TSPAN3: variants seen among roughly 807,000 people sequenced by gnomAD.
TSPAN3 encodes the protein tetraspanin-3.
A neutral mutation model predicts 31.1 loss-of-function variants in TSPAN3; 9 were observed. The ratio of observed to expected loss-of-function variants is 0.29; its 90% CI spans 0.17 to 0.50. The LOEUF (loss-of-function observed/expected upper bound fraction) is 0.50. TSPAN3 is among the 20% of genes least tolerant of loss of function. The probability of loss-of-function intolerance (pLI) is 0.98; values close to 1 mark genes in which losing one functional copy is unlikely to be tolerated. For missense variants in TSPAN3, 252 were observed against 313.5 expected (o/e 0.80, Z 1.48); for synonymous variants, 129 against 114.3 (o/e 1.13, Z -0.82).
At chr15:77,052,989 T>A in intron 4 of TSPAN3, 60 bp from the exon 5 acceptor site, 1 of 1,504,312 alleles carries the variant, frequency 6.6e-7, no homozygotes, top group Non-Finnish European at 9.1e-7. Context: ...AAGTTCCATG[T>A]ACTACAGAGC....
intron 6 of TSPAN3, among the ~76,000 whole-genome samples, chr15:77,049,144 T>G (rs79862004): frequency 7.4e-4 from 112 of 152,324 alleles, no homozygotes; most frequent in African/African-American, 2.7e-3. Flanking sequence ...TACAAAAGGT[T>G]GCAAACTATA....
chr15:77,063,171 C>T (rs934123418), intron 1 of TSPAN3, among the ~76,000 whole-genome samples: 4 of 152,190 alleles, frequency 2.6e-5, no homozygotes, highest in African/African-American at 9.7e-5. Flanking sequence ...CAATCTCTCC[C>T]ACTTACCACT....
intron 1 of TSPAN3, among the ~76,000 whole-genome samples, chr15:77,070,594 A>C (rs1311635744): frequency 1.3e-5 from 2 of 151,278 alleles, no homozygotes; most frequent in Non-Finnish European, 3.0e-5. Context: ...GGGGGGGGAG[A>C]CTGGGGCGCC....
intron 1 of TSPAN3, among the ~76,000 whole-genome samples, chr15:77,070,584 G>A (rs112279626): frequency 6.6e-6 from 1 of 150,820 alleles, no homozygotes; most frequent in African/African-American, 2.4e-5. Flanking sequence ...GGCGACTCCG[G>A]GGGGGGGAGA....
chr15:77,052,635 T>C (rs2076739568), intron 5 of TSPAN3, 142 bp downstream of exon 5: 2 of 1,095,838 alleles, frequency 1.8e-6, no homozygotes, highest in South Asian at 1.6e-5. Context: ...AACAAAGACA[T>C]GCATTTTATA....
intron 3 of TSPAN3, chr15:77,054,779 A>C (rs149912484): frequency 8.5e-5 from 13 of 152,624 alleles, no homozygotes; most frequent in African/African-American, 3.1e-4. Context: ...GTTTAAAAAA[A>C]TCAGTCCTTA....
At chr15:77,064,709 G>C (rs1404500340) in intron 1 of TSPAN3, 1 of 152,198 alleles carries the variant, frequency 6.6e-6, no homozygotes, top group Non-Finnish European at 1.5e-5. Context: ...TTATGTACTT[G>C]CTTCCTGACA....
chr15:77,051,997 TA>T (rs1384238088), intron 6 of TSPAN3, among the ~76,000 whole-genome samples: 1 of 152,174 alleles, frequency 6.6e-6, no homozygotes, highest in African/African-American at 2.4e-5. Context: ...AAAAACTGAA[TA>T]AAGCTTTGTA....
At chr15:77,054,014 G>C (rs1400267226) in intron 4 of TSPAN3, among the ~76,000 whole-genome samples, 164 bp downstream of exon 4, 2 of 152,172 alleles carry the variant, frequency 1.3e-5, no homozygotes, top group Non-Finnish European at 2.9e-5. Context: ...GCTAGGTGAT[G>C]AAATAAACTT....
At chr15:77,059,541 C>T (rs148932388) in intron 1 of TSPAN3, among the ~76,000 whole-genome samples, 5 of 152,264 alleles carry the variant, frequency 3.3e-5, no homozygotes, top group Admixed American at 2.6e-4. Context: ...TCAGTCCTCA[C>T]GCTAAATTAG....
chr15:77,050,937 C>G (rs113254163), intron 6 of TSPAN3, among the ~76,000 whole-genome samples: 1 of 152,092 alleles, frequency 6.6e-6, no homozygotes, highest in Admixed American at 6.6e-5. Context: ...TTTTAAAAGG[C>G]CTTTCCCATT....
Position 77,043,453 on chromosome 15 carries a change from T to C in TSPAN3, c.*3382A>G, listed in dbSNP as rs1285509734. 1 of 152,206 alleles carries C rather than the reference T, an allele frequency of 6.6e-6. No homozygotes were observed. Among genetic ancestry groups the C allele is most frequent in the East Asian group, 1.9e-4 (1 of 5,204 alleles). The allele number at this position is 152,206 out of a possible 1,614,324, so 9.4% of individuals were successfully genotyped here. ...ATCCCCACTGTGGGGCAGATGGGCA[T>C]TGTGTGCCTCGAGATGCGATGCCCT... On this transcript the variant is annotated 3_prime_UTR_variant, in exon 7 of 7. Transcript: ENST00000267970.
At chr15:77,048,901 T>A (rs1258646557) in intron 6 of TSPAN3, among the ~76,000 whole-genome samples, 1 of 152,188 alleles carries the variant, frequency 6.6e-6, no homozygotes, top group African/African-American at 2.4e-5. Flanking sequence ...GGCATTCTTA[T>A]ACAAAAATAA....
In TSPAN3 at chr15:77,046,375, A is replaced by G; in HGVS notation, c.*460T>C. The G allele has an allele frequency of 7.5e-6, 3 of 401,304 alleles. No homozygotes were observed. The highest frequency in any genetic ancestry group is 1.3e-5 in the Non-Finnish European group (3 of 227,408). The allele number at this position is 401,304 out of a possible 1,614,324, so 24.9% of individuals were successfully genotyped here. On this transcript the variant is annotated 3_prime_UTR_variant, in exon 7 of 7. Transcript: ENST00000267970. ...TGGACTACAGTAAATATTTTTTAAAAGGACACCAATGAGGGGCACCATCTG... is the reference window on the plus strand; with the variant it reads ...TGGACTACAGTAAATATTTTTTAAAGGGACACCAATGAGGGGCACCATCTG...
chr15:77,045,873 CTG>C lies in TSPAN3; in HGVS notation c.*960_*961del, dbSNP rs2076687683. ...CTAGGATATACTGGACTGAAAGCAT[CTG>C]TGGTTTTTTGAATATCAAGCCCTTT... On this transcript the variant is annotated 3_prime_UTR_variant, in exon 7 of 7. Coordinates refer to ENST00000267970, the MANE Select transcript of TSPAN3 (RefSeq NM_005724.6). 1.3e-5 allele frequency: 2 copies of C among 152,230 alleles called. No homozygotes were observed. The highest frequency in any genetic ancestry group is 2.9e-5 in the Non-Finnish European group (2 of 68,052). The allele number at this position is 152,230 out of a possible 1,614,324, so 9.4% of individuals were successfully genotyped here.
intron 6 of TSPAN3, among the ~76,000 whole-genome samples, chr15:77,050,219 G>C (rs1043571702): frequency 1.3e-5 from 2 of 152,150 alleles, no homozygotes; most frequent in Non-Finnish European, 2.9e-5. Flanking sequence ...AATGTTTACA[G>C]GTACTCTTAA....
chr15:77,046,808 C>A lies in TSPAN3; in HGVS notation c.*27G>T. 1 of 1,549,304 alleles carries A rather than the reference C, an allele frequency of 6.5e-7. No individual in the cohort carries two copies. Among genetic ancestry groups the A allele is most frequent in the Non-Finnish European group, 8.8e-7 (1 of 1,137,162 alleles). ...ATTCACCTTCCAAATCAGAACAAGA[C>A]CAAAAAGCTCAGGCTTGAGTTGTCA... On this transcript the variant is annotated 3_prime_UTR_variant, in exon 7 of 7. Coordinates refer to ENST00000267970, the MANE Select transcript of TSPAN3 (RefSeq NM_005724.6).
intron 1 of TSPAN3, 121 bp downstream of exon 1, chr15:77,070,770 CT>C: frequency 2.5e-6 from 1 of 393,560 alleles, no homozygotes; most frequent in Non-Finnish European, 3.4e-6. Context: ...CCTCAGCCGC[CT>C]GAGGGCCCGC....
intron 1 of TSPAN3, chr15:77,064,825 A>G (rs1461264997): frequency 6.6e-6 from 1 of 152,248 alleles, no homozygotes; most frequent in African/African-American, 2.4e-5. Context: ...TCATGATAGG[A>G]GAAATACAGG....
Sources: gnomAD v4.1 joint callset for allele counts (sites outside exome capture counted in the v4.1 genomes callset) on GRCh38, gnomAD v4.1.1 for gene constraint, MANE v1.5 for transcripts, NCBI Gene and HGNC (gene_info 2026-07-23, HGNC 2026-07-21) for gene names.